The following AUTS2 variants were observed in gnomAD, a reference collection of about 807,000 sequenced individuals.
The protein encoded by AUTS2 is activator of transcription and developmental regulator AUTS2, also known as autism susceptibility gene 2 protein.
AUTS2 carries 17 observed loss-of-function variants against 112.4 expected under a neutral mutation model. That is an observed-to-expected ratio of 0.15 (90% CI 0.10 to 0.23). The LOEUF (loss-of-function observed/expected upper bound fraction) is 0.23, where lower values mean the gene tolerates loss of function less well. Among genes scored for constraint, AUTS2 ranks in the 10% least tolerant of loss-of-function variants. The probability of loss-of-function intolerance (pLI) is 1.00; values close to 1 mark genes in which losing one functional copy is unlikely to be tolerated. For synonymous variants in AUTS2, 751 were observed against 702.7 expected (o/e 1.07, Z -1.09); for missense variants, 1,510 against 1,701.6 (o/e 0.89, Z 1.98).
At chr7:69,733,728 A>G (rs553864196) in intron 1 of AUTS2, among the ~76,000 whole-genome samples, 6 of 152,264 alleles carry the variant, frequency 3.9e-5, no homozygotes, top group African/African-American at 1.4e-4. Context: ...GTGTGGGGGT[A>G]CTGTTCCTTT....
At chr7:70,522,577 T>A (rs770102318) in intron 5 of AUTS2, among the ~76,000 whole-genome samples, 1 of 152,226 alleles carries the variant, frequency 6.6e-6, no homozygotes, top group Non-Finnish European at 1.5e-5. Context: ...GTTCCTGTAT[T>A]AATTTGGTTA....
At chr7:70,417,569 C>T (rs1241473147) in intron 4 of AUTS2, among the ~76,000 whole-genome samples, 1 of 152,216 alleles carries the variant, frequency 6.6e-6, no homozygotes, top group African/African-American at 2.4e-5. Flanking sequence ...GCTTGCAAAC[C>T]GTTACTTACA....
intron 4 of AUTS2, among the ~76,000 whole-genome samples, chr7:70,406,579 C>T (rs1412505597): frequency 1.3e-5 from 2 of 152,232 alleles, no homozygotes; most frequent in African/African-American, 4.8e-5. Flanking sequence ...TAGTCTCCCC[C>T]ATCATCTCTG....
At chr7:69,993,820 C>G (rs1798837461) in intron 2 of AUTS2, among the ~76,000 whole-genome samples, 1 of 152,088 alleles carries the variant, frequency 6.6e-6, no homozygotes, top group South Asian at 2.1e-4. Flanking sequence ...TTATTTCTTT[C>G]TACAGATAGG....
At chr7:70,776,843 T>C in intron 13 of AUTS2, 1 of 510,952 alleles carries the variant, frequency 2.0e-6, no homozygotes, top group South Asian at 2.2e-5. Flanking sequence ...TGCCGTCTTG[T>C]CCTTGGTAAC....
At chr7:70,555,971 A>G (rs1192072864) in intron 5 of AUTS2, among the ~76,000 whole-genome samples, 1 of 151,800 alleles carries the variant, frequency 6.6e-6, no homozygotes. Flanking sequence ...TGCCCGGCTA[A>G]TTTTTTTGTA....
intron 1 of AUTS2, among the ~76,000 whole-genome samples, chr7:69,771,619 C>T (rs1169550261): frequency 6.6e-6 from 1 of 152,016 alleles, no homozygotes; most frequent in Non-Finnish European, 1.5e-5. Flanking sequence ...ACTCCTTGGT[C>T]AAGAAGAGTT....
intron 6 of AUTS2, among the ~76,000 whole-genome samples, chr7:70,739,477 G>C (rs993096371): frequency 9.1e-5 from 13 of 142,090 alleles, no homozygotes; most frequent in Admixed American, 2.1e-4. Context: ...ACTGTGCCCA[G>C]TCACATTTTT....
chr7:70,781,559 C>T, intron 14 of AUTS2, 56 bp from the exon 15 acceptor site: 2 of 1,587,546 alleles, frequency 1.3e-6, no homozygotes, highest in South Asian at 1.1e-5. Flanking sequence ...TCTTCACTAA[C>T]ACCTTTATTC....
At chr7:70,227,114 G>A (rs578130609) in intron 4 of AUTS2, among the ~76,000 whole-genome samples, 224 of 152,042 alleles carry the variant, frequency 1.5e-3, no homozygotes, top group Admixed American at 2.6e-3. Context: ...AAACTAGATG[G>A]CTGTCTGAAG....
At chr7:70,115,968 A>G (rs572256562) in intron 2 of AUTS2, among the ~76,000 whole-genome samples, 8 of 152,198 alleles carry the variant, frequency 5.3e-5, no homozygotes, top group Non-Finnish European at 1.0e-4. Flanking sequence ...AATGCAGAGC[A>G]GGAATGGACA....
intron 4 of AUTS2, among the ~76,000 whole-genome samples, chr7:70,272,896 A>G (rs149728959): frequency 0.027 from 4,163 of 152,304 alleles, 76 homozygotes; most frequent in Middle Eastern, 0.058. Flanking sequence ...AGGCTGTGAC[A>G]GAGAATTGCT....
chr7:69,707,383 A>T (rs1798111092), intron 1 of AUTS2, among the ~76,000 whole-genome samples: 1 of 152,186 alleles, frequency 6.6e-6, no homozygotes. Flanking sequence ...GCAAGTACCT[A>T]GCTTATTACA....
chr7:69,673,072 T>C (rs751308894), intron 1 of AUTS2, among the ~76,000 whole-genome samples: 19 of 152,222 alleles, frequency 1.2e-4, no homozygotes, highest in Non-Finnish European at 2.6e-4. Flanking sequence ...GGTAAATGCT[T>C]TCATTAGATA....
rs538005609 is a variant in AUTS2 at position 70,539,864 on chromosome 7, G to A, written c.690+104083G>A. Among the ~76,000 whole-genome samples, 19 of 152,210 alleles carry A rather than the reference G, an allele frequency of 1.2e-4. No individual in the cohort carries two copies. In the South Asian group the frequency reaches 2.1e-3, roughly 17 times the overall value. ...AAAAAAGTCTGCCAACAAAACCAGC[G>A]CTGCCCGCCTGTTCTGTGGGGGTTG... On this transcript the variant is annotated intron_variant, in intron 5 of 18. Transcript: ENST00000342771.
At chr7:70,242,639 T>C (rs1046258402) in intron 4 of AUTS2, among the ~76,000 whole-genome samples, 2 of 152,190 alleles carry the variant, frequency 1.3e-5, no homozygotes, top group Non-Finnish European at 2.9e-5. Context: ...ATGAAAATAT[T>C]ATCATGCCCC....
chr7:69,902,709 T>C (rs1265021020), intron 2 of AUTS2, among the ~76,000 whole-genome samples: 1 of 152,182 alleles, frequency 6.6e-6, no homozygotes, highest in African/African-American at 2.4e-5. Flanking sequence ...ATAATACTTT[T>C]ATAGGAAAGA....
At position 69,853,452 on chromosome 7, in the gene AUTS2, TC is replaced by T. The variant is rs539301726; in HGVS notation, c.310-45833del. ...TTTATTCATGTAGGTACTCCTGTTT[TC>T]TTTTGACTGTTTTCATTGTATATAT... On this transcript the variant is annotated intron_variant, in intron 1 of 18. Transcript: ENST00000342771. Among the ~76,000 whole-genome samples the T allele has an allele frequency of 2.6e-5, 4 of 152,312 alleles. No individual in the cohort carries two copies. The South Asian group carries it at 8.3e-4, about 32-fold the overall frequency.
At chr7:70,242,163 C>A (rs1024732629) in intron 4 of AUTS2, among the ~76,000 whole-genome samples, 1 of 152,156 alleles carries the variant, frequency 6.6e-6, no homozygotes, top group African/African-American at 2.4e-5. Flanking sequence ...ACATGAATAG[C>A]CTGGTTTCCA....
Sources: allele counts gnomAD v4.1 joint callset (sites outside exome capture counted in the v4.1 genomes callset), GRCh38; gene constraint gnomAD v4.1.1; transcripts MANE v1.5; gene names NCBI Gene and HGNC (gene_info 2026-07-23, HGNC 2026-07-21).